SSU72L4: variants seen among roughly 807,000 people sequenced by gnomAD.
SSU72L4 encodes SSU72 like 4.
the SSU72L4 span, among the ~76,000 whole-genome samples, chr11:4,287,321 CCTT>C: frequency 8.9e-6 from 1 of 112,726 alleles, no homozygotes; most frequent in Non-Finnish European, 1.8e-5. Context: ...AAATGTTAGT[CCTT>C]CTCATTTCCC....
At chr11:4,287,106 A>C in the SSU72L4 span, among the ~76,000 whole-genome samples, 1 of 148,924 alleles carries the variant, frequency 6.7e-6, no homozygotes, top group Non-Finnish European at 1.5e-5. Flanking sequence ...AGTTTATTTA[A>C]AAGGTGCTTA....
the SSU72L4 span, among the ~76,000 whole-genome samples, chr11:4,287,127 G>A: frequency 1.4e-5 from 2 of 146,116 alleles, no homozygotes; most frequent in African/African-American, 2.5e-5. Flanking sequence ...TCTATACAAT[G>A]TTATTTATCT....
the SSU72L4 span, among the ~76,000 whole-genome samples, chr11:4,287,093 G>T: frequency 6.7e-6 from 1 of 148,898 alleles, no homozygotes; most frequent in African/African-American, 2.5e-5. Context: ...ATTGAGAAAA[G>T]GAAGTTTATT....
chr11:4,287,266 T>C, the SSU72L4 span, among the ~76,000 whole-genome samples: 2 of 120,154 alleles, frequency 1.7e-5, no homozygotes, highest in Non-Finnish European at 3.5e-5. Context: ...AGTTATGCCA[T>C]GTAATGCACC....
the SSU72L4 span, chr11:4,287,864 CTCTA>C: frequency 2.0e-6 from 1 of 511,052 alleles, no homozygotes; most frequent in Non-Finnish European, 3.4e-6. Flanking sequence ...GTGTAGCGTT[CTCTA>C]TCTTTCCTGA....
At chr11:4,287,136 C>T in the SSU72L4 span, among the ~76,000 whole-genome samples, 1 of 144,850 alleles carries the variant, frequency 6.9e-6, no homozygotes, top group Admixed American at 7.0e-5. Context: ...TGTTATTTAT[C>T]TGCTGAATAC....
the SSU72L4 span, among the ~76,000 whole-genome samples, chr11:4,287,280 C>T: frequency 5.2e-5 from 6 of 116,396 alleles, no homozygotes; most frequent in South Asian, 3.5e-4. Context: ...ATGCACCTAG[C>T]ACAATGCCAA....
At chr11:4,287,180 T>G in the SSU72L4 span, among the ~76,000 whole-genome samples, 1 of 133,308 alleles carries the variant, frequency 7.5e-6, no homozygotes. Context: ...CAGTCCATTA[T>G]CAGCTCGGTT....
At chr11:4,287,357 G>C in the SSU72L4 span, 2 of 302,918 alleles carry the variant, frequency 6.6e-6, no homozygotes, top group Non-Finnish European at 1.1e-5. Flanking sequence ...CTTGGTAATA[G>C]TCTCTTTCCA....
chr11:4,287,477 G>A, the SSU72L4 span: 3 of 573,648 alleles, frequency 5.2e-6, no homozygotes, highest in Admixed American at 3.4e-5. Flanking sequence ...ACTGAGGAAG[G>A]GGACAAAGCC....
chr11:4,287,148 C>A, the SSU72L4 span, among the ~76,000 whole-genome samples: 7 of 141,764 alleles, frequency 4.9e-5, 1 homozygote, highest in African/African-American at 1.8e-4. Context: ...GCTGAATACC[C>A]TTAAACAAAT....
At chr11:4,287,176 A>C in the SSU72L4 span, among the ~76,000 whole-genome samples, 1 of 133,740 alleles carries the variant, frequency 7.5e-6, no homozygotes, top group African/African-American at 2.7e-5. Context: ...CCAGCAGTCC[A>C]TTATCAGCTC....
the SSU72L4 span, among the ~76,000 whole-genome samples, chr11:4,287,173 T>G: frequency 2.2e-5 from 3 of 134,920 alleles, no homozygotes; most frequent in East Asian, 4.6e-4. Context: ...TTTCCAGCAG[T>G]CCATTATCAG....
chr11:4,287,182 A>C, the SSU72L4 span, among the ~76,000 whole-genome samples: 1 of 132,064 alleles, frequency 7.6e-6, no homozygotes, highest in Non-Finnish European at 1.6e-5. Flanking sequence ...GTCCATTATC[A>C]GCTCGGTTTG....
chr11:4,287,121 T>C, the SSU72L4 span, among the ~76,000 whole-genome samples: 1 of 147,390 alleles, frequency 6.8e-6, no homozygotes, highest in African/African-American at 2.5e-5. Context: ...TGCTTATCTA[T>C]ACAATGTTAT....
At chr11:4,287,172 G>T in the SSU72L4 span, among the ~76,000 whole-genome samples, 1 of 134,404 alleles carries the variant, frequency 7.4e-6, no homozygotes, top group Non-Finnish European at 1.6e-5. Context: ...TTTTCCAGCA[G>T]TCCATTATCA....
chr11:4,287,331 TC>T, the SSU72L4 span, among the ~76,000 whole-genome samples: 1 of 112,056 alleles, frequency 8.9e-6, no homozygotes, highest in East Asian at 2.8e-4. Flanking sequence ...CCTTCTCATT[TC>T]CCATAAAATA....
At chr11:4,287,782 C>G in the SSU72L4 span, 1 of 536,896 alleles carries the variant, frequency 1.9e-6, no homozygotes. Context: ...GAAATCAGTG[C>G]ACTCCTGAAA....
At chr11:4,287,102 T>A in the SSU72L4 span, among the ~76,000 whole-genome samples, 1,815 of 149,144 alleles carry the variant, frequency 0.012, 37 homozygotes, top group African/African-American at 0.043. Context: ...AGGAAGTTTA[T>A]TTAAAAGGTG....
Sources: allele counts gnomAD v4.1 joint callset (sites outside exome capture counted in the v4.1 genomes callset), GRCh38; gene constraint gnomAD v4.1.1; transcripts MANE v1.5; gene names NCBI Gene and HGNC (gene_info 2026-07-23, HGNC 2026-07-21).